The following CSMD1 variants were observed in gnomAD, a reference collection of about 807,000 sequenced individuals.
CSMD1 encodes the protein CUB and Sushi multiple domains 1, also known as CUB and sushi domain-containing protein 1.
In CSMD1, 213 loss-of-function variants were observed where a neutral mutation model predicts 417.5. The ratio of observed to expected loss-of-function variants is 0.51; its 90% CI spans 0.46 to 0.57. The LOEUF (loss-of-function observed/expected upper bound fraction) is 0.57. Among genes scored for constraint, CSMD1 ranks in the 20% least tolerant of loss-of-function variants. CSMD1 has a pLI of 0.00. For synonymous variants in CSMD1, 2,862 were observed against 1,736.8 expected, an observed-to-expected ratio of 1.65 and a Z score of -16.11; for missense variants, 6,923 against 4,529.7, an observed-to-expected ratio of 1.53 and a Z score of -15.17.
Position 3,387,608 on chromosome 8 carries a change from C to T in CSMD1, c.2668G>A (p.Gly890Ser). ...VNGHRHGGDF[G>S]IRSTVTFSCD... ...CTGAAAGTCACTGTGGACCTGATGC[C>T]AAAGTCTCCACCGTGGCGATGGCCG... is the stretch of plus-strand genomic sequence containing the variant. The change falls in exon 18 of 70, where the codon GGC becomes AGC. Residue 890 changes from glycine (G) to serine (S), a missense_variant. Coordinates refer to ENST00000635120, the MANE Select transcript of CSMD1 (RefSeq NM_033225.6). The T allele has an allele frequency of 6.2e-7, 1 of 1,601,480 alleles. No individual in the cohort carries two copies.
chr8:3,244,858 A>G (rs1799777966), intron 26 of CSMD1, among the ~76,000 whole-genome samples: 1 of 152,192 alleles, frequency 6.6e-6, no homozygotes, highest in Non-Finnish European at 1.5e-5. Context: ...GGCAGCAAGC[A>G]GCCTCAGATT....
At chr8:3,728,723 G>A (rs1802640920) in intron 6 of CSMD1, among the ~76,000 whole-genome samples, 2 of 152,128 alleles carry the variant, frequency 1.3e-5, no homozygotes, top group African/African-American at 2.4e-5. Context: ...AGTTAAAATG[G>A]TGGGCATGGT....
At chr8:3,182,883 TG>T (rs1821476742) in intron 36 of CSMD1, 1 of 143,112 alleles carries the variant, frequency 7.0e-6, no homozygotes, top group African/African-American at 2.7e-5. Flanking sequence ...TGTGTGTGTG[TG>T]TGTGTGTGTG....
chr8:3,119,437 ACTACTAT>A (rs1817067587), intron 41 of CSMD1, among the ~76,000 whole-genome samples: 1 of 150,662 alleles, frequency 6.6e-6, no homozygotes, highest in South Asian at 2.1e-4. Flanking sequence ...TAAGCTGACA[ACTACTAT>A]CAGTACAATT....
At chr8:3,012,574 A>G (rs1808478695) in intron 52 of CSMD1, among the ~76,000 whole-genome samples, 1 of 152,226 alleles carries the variant, frequency 6.6e-6, no homozygotes, top group Non-Finnish European at 1.5e-5. Flanking sequence ...TCAGGGAAAA[A>G]AAATGCTTTT....
chr8:4,112,782 G>A (rs557918983), intron 3 of CSMD1, among the ~76,000 whole-genome samples: 133 of 152,248 alleles, frequency 8.7e-4, no homozygotes, highest in Non-Finnish European at 1.5e-3. Flanking sequence ...GGCTCCAAAC[G>A]TTAGAATTTT....
In CSMD1 at chr8:4,101,543, T is replaced by C. The variant is rs150257721; in HGVS notation, c.416-69444A>G. On this transcript the variant is annotated intron_variant, in intron 3 of 69. Coordinates refer to ENST00000635120, the MANE Select transcript of CSMD1 (RefSeq NM_033225.6). ...CCGACCAGGAAACATACCTAAAAAA[T>C]TATGGATGTGTAGGAAGTTTCTTAA... Among the ~76,000 whole-genome samples the C allele has an allele frequency of 1.3e-3, 192 of 152,272 alleles. 1 individual carries two copies. In the East Asian group the frequency reaches 0.022, roughly 17 times the overall value.
At position 4,826,075 on chromosome 8, in the gene CSMD1, G is replaced by T. The variant is rs116210487; in HGVS notation, c.85+168257C>A. On this transcript the variant is annotated intron_variant, in intron 1 of 69. Transcript: ENST00000635120. ...CACAGCCATTGTGGAAAACAATATG[G>T]AGTTTCCTCAAAAAATTAAAAATTG... 2.5e-3 allele frequency among the ~76,000 whole-genome samples: 382 copies of T among 152,020 alleles called. 3 individuals carry two copies. The highest frequency in any genetic ancestry group is 0.01 in the Middle Eastern group (3 of 294).
intron 3 of CSMD1, among the ~76,000 whole-genome samples, chr8:4,312,355 C>G (rs1169863880): frequency 2.8e-5 from 4 of 141,876 alleles, no homozygotes; most frequent in Non-Finnish European, 6.0e-5. Context: ...CCAAAATAAG[C>G]TAATTACTTT....
intron 6 of CSMD1, among the ~76,000 whole-genome samples, chr8:3,735,932 T>C (rs1460578750): frequency 6.6e-6 from 1 of 151,806 alleles, no homozygotes; most frequent in African/African-American, 2.4e-5. Context: ...TAAAGCTTTC[T>C]TGCTAGGGAA....
chr8:3,128,721 A>G (rs1420755422), intron 41 of CSMD1: 2 of 374,034 alleles, frequency 5.3e-6, no homozygotes, highest in African/African-American at 2.1e-5. Flanking sequence ...TCATGTTCTC[A>G]TTTATTTGTA....
intron 3 of CSMD1, among the ~76,000 whole-genome samples, chr8:4,363,293 C>T (rs1432832843): frequency 6.6e-6 from 1 of 152,136 alleles, no homozygotes; most frequent in Admixed American, 6.5e-5. Flanking sequence ...AAGTTTTTCC[C>T]TCCTGCCCGT....
intron 1 of CSMD1, among the ~76,000 whole-genome samples, chr8:4,814,034 G>C (rs1053993724): frequency 6.6e-5 from 10 of 152,166 alleles, no homozygotes; most frequent in Non-Finnish European, 1.3e-4. Flanking sequence ...CACATTTAAA[G>C]GAGAAAGTAA....
chr8:3,438,796 T>C (rs1023261821), intron 12 of CSMD1, among the ~76,000 whole-genome samples: 3 of 152,020 alleles, frequency 2.0e-5, no homozygotes, highest in African/African-American at 7.3e-5. Context: ...TGTCGGGTCA[T>C]ATGATAATTG....
At chr8:4,131,284 C>G (rs571854315) in intron 3 of CSMD1, among the ~76,000 whole-genome samples, 2 of 152,100 alleles carry the variant, frequency 1.3e-5, no homozygotes, top group South Asian at 4.2e-4. Context: ...ACTGAAGAGG[C>G]TGAATCTACA....
intron 3 of CSMD1, among the ~76,000 whole-genome samples, chr8:4,282,991 T>C (rs1168266826): frequency 1.3e-5 from 2 of 152,168 alleles, no homozygotes; most frequent in Non-Finnish European, 2.9e-5. Context: ...TACTGCACAT[T>C]AGTCATTCTG....
chr8:4,321,318 T>G (rs1056328462), intron 3 of CSMD1, among the ~76,000 whole-genome samples: 10 of 152,106 alleles, frequency 6.6e-5, no homozygotes, highest in Non-Finnish European at 1.3e-4. Context: ...TATTGTTTCC[T>G]CCTGAAATGG....
chr8:3,874,620 G>C (rs1273542890), intron 5 of CSMD1, among the ~76,000 whole-genome samples: 2 of 152,116 alleles, frequency 1.3e-5, no homozygotes, highest in East Asian at 1.9e-4. Context: ...AGTCTCACAT[G>C]TGGAATATGT....
intron 1 of CSMD1, among the ~76,000 whole-genome samples, chr8:4,672,893 T>A (rs988233790): frequency 6.6e-6 from 1 of 151,182 alleles, no homozygotes; most frequent in Middle Eastern, 3.3e-3. Flanking sequence ...CACCGAAACA[T>A]GAGACAACAA....
Sources: gnomAD v4.1 joint callset for allele counts (sites outside exome capture counted in the v4.1 genomes callset) on GRCh38, gnomAD v4.1.1 for gene constraint, MANE v1.5 for transcripts, NCBI Gene and HGNC (gene_info 2026-07-23, HGNC 2026-07-21) for gene names.